C11orf58: variants seen among roughly 807,000 people sequenced by gnomAD.
C11orf58 encodes chromosome 11 open reading frame 58.
C11orf58 carries 5 observed loss-of-function variants against 22.7 expected under a neutral mutation model. That is an observed-to-expected ratio of 0.22 (90% confidence interval 0.12 to 0.46). The LOEUF (loss-of-function observed/expected upper bound fraction) is 0.46. C11orf58 is among the 20% of genes least tolerant of loss of function. The pLI is 0.99. For synonymous variants in C11orf58, 71 were observed against 70.7 expected (o/e 1.00, Z -0.02); for missense variants, 151 against 223.3 (o/e 0.68, Z 2.06).
chr11:16,744,531 AG>A, intron 1 of C11orf58, 69 bp from the exon 2 acceptor site: 1 of 1,236,280 alleles, frequency 8.1e-7, no homozygotes, highest in Non-Finnish European at 1.2e-6. Context: ...TGAGAGTTAC[AG>A]GTAGACTTTA....
At chr11:16,747,933 CCTACCCTTGCTAGAATGTAAGGTCCT>C (rs1202716971) in intron 2 of C11orf58, 138 bp from the exon 3 acceptor site, 1 of 582,744 alleles carries the variant, frequency 1.7e-6, no homozygotes, top group Non-Finnish European at 3.1e-6. Flanking sequence ...CTTCCCCATT[CCTACCCTTGCTAGAATGTAAGGTCCT>C]TAAAGGCAGA....
chr11:16,757,131 T>C lies in C11orf58; in HGVS notation c.*2027T>C, dbSNP rs1848586181. Among the ~76,000 whole-genome samples, 1 of 152,072 alleles carries C rather than the reference T, an allele frequency of 6.6e-6. No individual in the cohort carries two copies. The highest frequency in any genetic ancestry group is 2.1e-4 in the South Asian group (1 of 4,820). On this transcript the variant is annotated 3_prime_UTR_variant, in exon 5 of 5. Coordinates refer to ENST00000228136, the MANE Select transcript of C11orf58 (RefSeq NM_014267.6). ...TTTATAGTAGACAATACATATGACA[T>C]TTAACAAATACTTGGTTTGAAAAAG... is the stretch of plus-strand genomic sequence containing the variant.
chr11:16,744,453 T>A (rs1252607409), intron 1 of C11orf58, 148 bp from the exon 2 acceptor site: 2 of 621,800 alleles, frequency 3.2e-6, no homozygotes, highest in East Asian at 5.6e-5. Context: ...ATGTGATGAA[T>A]ATGCTTAACT....
intron 2 of C11orf58, among the ~76,000 whole-genome samples, chr11:16,745,087 A>G (rs1008301345): frequency 2.6e-5 from 4 of 152,222 alleles, no homozygotes; most frequent in African/African-American, 4.8e-5. Context: ...CCCTTGAAGT[A>G]GTAACCAGAG....
At chr11:16,740,206 CTT>C (rs1192949091) in intron 1 of C11orf58, among the ~76,000 whole-genome samples, 1 of 152,136 alleles carries the variant, frequency 6.6e-6, no homozygotes, top group African/African-American at 2.4e-5. Context: ...TTAAATGTGA[CTT>C]GATTGCTAGG....
chr11:16,749,468 A>T (rs1364111608), intron 3 of C11orf58: 2 of 152,264 alleles, frequency 1.3e-5, no homozygotes, highest in African/African-American at 4.8e-5. Context: ...GCTTTAAAGC[A>T]GGAGCTCCCA....
Position 16,738,719 on chromosome 11 carries a change from T to G in C11orf58, c.-60T>G, listed in dbSNP as rs1590070853. 1 of 1,587,746 alleles carries G rather than the reference T, an allele frequency of 6.3e-7. No individual in the cohort carries two copies. The highest frequency in any genetic ancestry group is 8.6e-7 in the Non-Finnish European group (1 of 1,157,304). Reference sequence around the variant, plus strand: ...CCCTTGGCGGATTGTAAGCTGCTGGTTTTGCGGCTGGGAAGAGCGGCGAGA... The same window carrying G: ...CCCTTGGCGGATTGTAAGCTGCTGGGTTTGCGGCTGGGAAGAGCGGCGAGA... On this transcript the variant is annotated 5_prime_UTR_variant, in exon 1 of 5. Coordinates refer to ENST00000228136, the MANE Select transcript of C11orf58 (RefSeq NM_014267.6).
At chr11:16,750,347 C>G (rs1172900051) in intron 3 of C11orf58, 1 of 152,212 alleles carries the variant, frequency 6.6e-6, no homozygotes, top group African/African-American at 2.4e-5. Context: ...ACGCAAAGAA[C>G]AGAAGTAATT....
At chr11:16,744,767 A>G in intron 2 of C11orf58, 83 bp downstream of exon 2, 1 of 1,249,354 alleles carries the variant, frequency 8.0e-7, no homozygotes, top group South Asian at 1.3e-5. Context: ...AGGACTGAAT[A>G]TACTTGGATT....
chr11:16,741,787 G>A (rs970981687), intron 1 of C11orf58, among the ~76,000 whole-genome samples: 6 of 152,196 alleles, frequency 3.9e-5, no homozygotes, highest in Non-Finnish European at 5.9e-5. Context: ...AATGCCAGAT[G>A]ATCTGTCATT....
Position 16,738,681 on chromosome 11 carries a change from G to T in C11orf58, c.-98G>T. ...CCGGAGGGGCTCTGCGTTCTGTAGT[G>T]GCGCTGCTTGGGCCCTTGGCGGATT... On this transcript the variant is annotated 5_prime_UTR_variant, in exon 1 of 5. Transcript: ENST00000228136. 1.0e-5 allele frequency: 14 copies of T among 1,358,204 alleles called. No homozygotes were observed. The South Asian group carries it at 1.6e-4, about 16-fold the overall frequency. 84.1% of individuals were successfully genotyped at this position (1,358,204 alleles called of 1,614,324 possible).
At chr11:16,746,753 A>G (rs1219648323) in intron 2 of C11orf58, 1 of 152,212 alleles carries the variant, frequency 6.6e-6, no homozygotes, top group African/African-American at 2.4e-5. Flanking sequence ...TCCCGGGTTC[A>G]AGCAGTTCTC....
chr11:16,747,505 A>G (rs1213890425), intron 2 of C11orf58: 1 of 152,194 alleles, frequency 6.6e-6, no homozygotes, highest in Non-Finnish European at 1.5e-5. Context: ...AATCATATGT[A>G]TTTTTATGTT....
chr11:16,747,997 T>A, intron 2 of C11orf58, 100 bp from the exon 3 acceptor site: 1 of 861,904 alleles, frequency 1.2e-6, no homozygotes, highest in South Asian at 1.4e-5. Flanking sequence ...TTGTCTTCAC[T>A]GTGTCCCAGA....
At chr11:16,747,318 G>A (rs1848495178) in intron 2 of C11orf58, 1 of 152,130 alleles carries the variant, frequency 6.6e-6, no homozygotes, top group African/African-American at 2.4e-5. Context: ...ACAATAGGAA[G>A]GTTTGTTACT....
chr11:16,754,117 A>G, intron 4 of C11orf58: 2 of 400,552 alleles, frequency 5.0e-6, no homozygotes, highest in Non-Finnish European at 8.8e-6. Flanking sequence ...TTCCTAAGTG[A>G]TCTCTTTTTA....
intron 1 of C11orf58, among the ~76,000 whole-genome samples, chr11:16,743,868 C>T (rs187780562): frequency 7.4e-4 from 113 of 152,132 alleles, no homozygotes; most frequent in Non-Finnish European, 1.5e-3. Flanking sequence ...AAAATACGCT[C>T]ACTAGGATTC....
Position 16,738,705 on chromosome 11 carries a change from T to C in C11orf58, c.-74T>C. ...TGGCGCTGCTTGGGCCCTTGGCGGA[T>C]TGTAAGCTGCTGGTTTTGCGGCTGG... On this transcript the variant is annotated 5_prime_UTR_variant, in exon 1 of 5. Coordinates refer to ENST00000228136, the MANE Select transcript of C11orf58 (RefSeq NM_014267.6). 6.5e-7 allele frequency: 1 copy of C among 1,528,178 alleles called. No individual in the cohort carries two copies. Among genetic ancestry groups the C allele is most frequent in the African/African-American group, 1.4e-5 (1 of 73,280 alleles). The allele number at this position is 1,528,178 out of a possible 1,614,324, so 94.7% of individuals were successfully genotyped here. A position where few individuals can be genotyped will look rare whatever the true frequency, so the allele number is the denominator to read the frequency against.
At chr11:16,742,895 C>T (rs4757429) in intron 1 of C11orf58, among the ~76,000 whole-genome samples, 24,658 of 152,052 alleles carry the variant, frequency 0.16, 2,646 homozygotes, top group East Asian at 0.32. Context: ...GCAAATCTTG[C>T]ATACTCAAGT....
Sources: gnomAD v4.1 joint callset for allele counts (sites outside exome capture counted in the v4.1 genomes callset) on GRCh38, gnomAD v4.1.1 for gene constraint, MANE v1.5 for transcripts, NCBI Gene and HGNC (gene_info 2026-07-23, HGNC 2026-07-21) for gene names.